ATL2: variants seen among roughly 807,000 people sequenced by gnomAD.
ATL2 encodes the protein atlastin-2.
In ATL2, 31 loss-of-function variants were observed where a neutral mutation model predicts 73.9. The observed-to-expected ratio is 0.42, with a 90% CI of 0.32 to 0.57. ATL2 has a LOEUF of 0.57. ATL2 is among the 20% of genes least tolerant of loss of function. The pLI, the probability that ATL2 is intolerant of heterozygous loss-of-function variation, is 0.14. For synonymous variants in ATL2, 291 were observed against 237.5 expected, an observed-to-expected ratio of 1.23 and a Z score of -2.07; for missense variants, 738 against 702.6, an observed-to-expected ratio of 1.05 and a Z score of -0.57.
At chr2:38,369,747 G>C (rs1320386442) in intron 1 of ATL2, among the ~76,000 whole-genome samples, 4 of 151,998 alleles carry the variant, frequency 2.6e-5, no homozygotes, top group Non-Finnish European at 5.9e-5. Context: ...AAAAATTAAA[G>C]TGCTGATAAA....
intron 3 of ATL2, 58 bp downstream of exon 3, chr2:38,318,827 A>C: frequency 6.4e-7 from 1 of 1,556,458 alleles, no homozygotes; most frequent in Non-Finnish European, 8.7e-7. Context: ...TTGATTTTTA[A>C]TACTGGAAAA....
At chr2:38,363,627 T>G (rs775755616) in intron 1 of ATL2, among the ~76,000 whole-genome samples, 13 of 152,178 alleles carry the variant, frequency 8.5e-5, no homozygotes, top group Non-Finnish European at 1.8e-4. Context: ...TATAAGTAAA[T>G]GTGTAACTCA....
chr2:38,372,315 TTTC>T (rs1671737529), intron 1 of ATL2, among the ~76,000 whole-genome samples: 1 of 152,192 alleles, frequency 6.6e-6, no homozygotes, highest in African/African-American at 2.4e-5. Flanking sequence ...TGTACAATTT[TTTC>T]TTGTCATTAT....
chr2:38,320,075 C>T (rs967131873), intron 2 of ATL2, among the ~76,000 whole-genome samples: 1 of 152,126 alleles, frequency 6.6e-6, no homozygotes, highest in African/African-American at 2.4e-5. Context: ...CCACTGCACT[C>T]CAGCCTGGCC....
At chr2:38,330,045 C>T (rs1487246272) in intron 2 of ATL2, among the ~76,000 whole-genome samples, 1 of 151,940 alleles carries the variant, frequency 6.6e-6, no homozygotes, top group Non-Finnish European at 1.5e-5. Context: ...AGGAGAATCG[C>T]TTAAACCCAG....
chr2:38,373,967 C>G (rs573368550), intron 1 of ATL2, among the ~76,000 whole-genome samples: 5 of 152,194 alleles, frequency 3.3e-5, no homozygotes, highest in Non-Finnish European at 5.9e-5. Context: ...TCTCGGCTCA[C>G]GGCAACCTCC....
Position 38,318,556 on chromosome 2 carries a change from G to A in ATL2, c.582C>T (p.Ser194=), listed in dbSNP as rs1254220287. ...IKDCATVFAL[S]TMTSSVQVYN... ...TCACCTGGACAGAGCTAGTCATAGT[G>A]CTCAGAGCAAACACCGTTGCACAGT... The change falls in exon 4 of 13, where the codon AGC becomes AGT. Residue 194 remains serine, a synonymous_variant. Transcript: ENST00000378954. 1 of 1,609,474 alleles carries A rather than the reference G, an allele frequency of 6.2e-7. No individual in the cohort carries two copies. The highest frequency in any genetic ancestry group is 1.7e-5 in the Admixed American group (1 of 58,758).
chr2:38,311,130 A>C (rs1383056763), intron 7 of ATL2, among the ~76,000 whole-genome samples: 1 of 152,128 alleles, frequency 6.6e-6, no homozygotes, highest in African/African-American at 2.4e-5. Flanking sequence ...ACAAAAAAAA[A>C]AGTATAAATT....
intron 1 of ATL2, among the ~76,000 whole-genome samples, chr2:38,367,941 CTTT>C (rs1044102346): frequency 7.4e-6 from 1 of 135,894 alleles, no homozygotes; most frequent in Non-Finnish European, 1.6e-5. Flanking sequence ...CCTAAAACAA[CTTT>C]TTTTTTTTTT....
intron 10 of ATL2, among the ~76,000 whole-genome samples, chr2:38,299,850 G>T (rs1017362001): frequency 6.6e-6 from 1 of 152,128 alleles, no homozygotes; most frequent in Non-Finnish European, 1.5e-5. Context: ...TTGAAAGACA[G>T]AAAAAGAAGT....
chr2:38,349,507 A>T (rs1573547075), intron 1 of ATL2, among the ~76,000 whole-genome samples: 2 of 109,406 alleles, frequency 1.8e-5, no homozygotes, highest in East Asian at 6.5e-4. Context: ...GGAACATCAC[A>T]CTCTGGGGAC....
intron 1 of ATL2, among the ~76,000 whole-genome samples, chr2:38,367,941 CT>C (rs1044102346): frequency 1.5e-3 from 203 of 135,786 alleles, no homozygotes; most frequent in Admixed American, 2.1e-3. Context: ...CCTAAAACAA[CT>C]TTTTTTTTTT....
intron 2 of ATL2, among the ~76,000 whole-genome samples, chr2:38,331,005 T>TA (rs1668955219): frequency 1.3e-5 from 2 of 152,178 alleles, no homozygotes; most frequent in African/African-American, 4.8e-5. Context: ...GTGATACTGG[T>TA]ATAAGAACAA....
chr2:38,313,524 G>C (rs1033290906), intron 6 of ATL2, among the ~76,000 whole-genome samples: 2 of 152,090 alleles, frequency 1.3e-5, no homozygotes, highest in African/African-American at 4.8e-5. Context: ...TGAAAAATGG[G>C]TGTATCAGGA....
chr2:38,298,693 A>G, intron 11 of ATL2, 118 bp from the exon 12 acceptor site: 1 of 1,055,722 alleles, frequency 9.5e-7, no homozygotes, highest in East Asian at 2.4e-5. Context: ...GTCAGTTTTA[A>G]ACTCACTTAC....
intron 6 of ATL2, among the ~76,000 whole-genome samples, chr2:38,313,699 G>T (rs1667878106): frequency 7.2e-6 from 1 of 138,512 alleles, no homozygotes; most frequent in Non-Finnish European, 1.6e-5. Flanking sequence ...GACATTTTGG[G>T]TCAGCACTGC....
chr2:38,297,519 A>G (rs1432678222), intron 12 of ATL2, among the ~76,000 whole-genome samples: 1 of 152,226 alleles, frequency 6.6e-6, no homozygotes, highest in Non-Finnish European at 1.5e-5. Context: ...AAGAGTTCAC[A>G]GCCTGGGGCT....
At chr2:38,357,562 G>A (rs1670743824) in intron 1 of ATL2, among the ~76,000 whole-genome samples, 1 of 136,766 alleles carries the variant, frequency 7.3e-6, no homozygotes, top group African/African-American at 2.8e-5. Context: ...TGAGGCAGAA[G>A]AATCGCTTGA....
At chr2:38,316,954 C>G (rs367928059) in intron 4 of ATL2, among the ~76,000 whole-genome samples, 8 of 152,202 alleles carry the variant, frequency 5.3e-5, no homozygotes, top group African/African-American at 1.7e-4. Context: ...TAGAGGGTCC[C>G]CACCAGCGTC....
Sources: allele counts gnomAD v4.1 joint callset (sites outside exome capture counted in the v4.1 genomes callset), GRCh38; gene constraint gnomAD v4.1.1; transcripts MANE v1.5; gene names NCBI Gene and HGNC (gene_info 2026-07-23, HGNC 2026-07-21).